Variants in ZNRF2 observed in about 807,000 individuals in gnomAD.
ZNRF2 encodes the protein E3 ubiquitin-protein ligase ZNRF2.
A neutral mutation model predicts 20.4 loss-of-function variants in ZNRF2; 16 were observed. The ratio of observed to expected loss-of-function variants is 0.79; its 90% CI spans 0.53 to 1.19. ZNRF2 has a LOEUF of 1.19. Ranked by LOEUF, ZNRF2 falls within the 50% of genes most tolerant of loss-of-function variation. ZNRF2 has a pLI of 0.00. For missense variants in ZNRF2, 363 were observed against 332.4 expected (o/e 1.09, Z -0.72); for synonymous variants, 178 against 144.9 (o/e 1.23, Z -1.64).
chr7:30,314,569 G>GTATCAGTAATAAAAGGT (rs571882678), intron 1 of ZNRF2, among the ~76,000 whole-genome samples: 152 of 151,972 alleles, frequency 1.0e-3, no homozygotes, highest in African/African-American at 3.4e-3. Flanking sequence ...TAATAAAAGG[G>GTATCAGTAATAAAAGGT]TATCAGTAAT....
At chr7:30,343,607 T>C (rs939754456) in intron 2 of ZNRF2, among the ~76,000 whole-genome samples, 1 of 152,156 alleles carries the variant, frequency 6.6e-6, no homozygotes, top group Non-Finnish European at 1.5e-5. Flanking sequence ...TCTCCTTTAA[T>C]GTTTATGCCT....
intron 2 of ZNRF2, among the ~76,000 whole-genome samples, chr7:30,355,155 G>A (rs553980062): frequency 6.6e-6 from 1 of 152,134 alleles, no homozygotes; most frequent in Admixed American, 6.5e-5. Context: ...ATGAAGAATT[G>A]CTGCATCCAG....
In ZNRF2 at chr7:30,285,768, C is replaced by T. The variant is rs1450526753; in HGVS notation, c.411C>T (p.Gly137=). 1.3e-6 allele frequency: 2 copies of T among 1,488,620 alleles called. No homozygotes were observed. The highest frequency in any genetic ancestry group is 1.3e-5 in the South Asian group (1 of 76,166). 92.2% of individuals were successfully genotyped at this position (1,488,620 alleles called of 1,614,324 possible). Residue 137 remains glycine, a synonymous_variant, in exon 1 of 5, where the codon GGC becomes GGT. Transcript: ENST00000323037. ...ACCGGCCGGTGGGCGGGAGCCCCGG[C>T]GGGCCGCGCCTGGTGATCGGCTCCT... ...GRDRPVGGSP[G]GPRLVIGSLP... is the part of the protein sequence containing the mutation.
At position 30,300,099 on chromosome 7, in the gene ZNRF2, C is replaced by CA. The variant is rs1439741636; in HGVS notation, c.469+14274dup. ...CCGGCCGTAAAACCTGCTTTTTCTC[C>CA]ATAACATATATTTAGAGGATTTTTT... On this transcript the variant is annotated intron_variant, in intron 1 of 4. Transcript: ENST00000323037. Among the ~76,000 whole-genome samples, 7 of 149,426 alleles carry CA rather than the reference C, an allele frequency of 4.7e-5. No homozygotes were observed. The East Asian group carries it at 1.0e-3, about 22-fold the overall frequency.
chr7:30,329,988 T>C (rs1229226494), intron 2 of ZNRF2, among the ~76,000 whole-genome samples: 1 of 152,224 alleles, frequency 6.6e-6, no homozygotes, highest in Non-Finnish European at 1.5e-5. Flanking sequence ...GTCTTTTTGA[T>C]AAAAGCTGTT....
At chr7:30,295,014 G>GGAGAGA (rs1161510140) in intron 1 of ZNRF2, among the ~76,000 whole-genome samples, 331 of 25,036 alleles carry the variant, frequency 0.013, 17 homozygotes, top group South Asian at 0.024. Flanking sequence ...AGGGAGGGAA[G>GGAGAGA]GAGAGAGAGA....
At chr7:30,352,656 T>C (rs545582362) in intron 2 of ZNRF2, among the ~76,000 whole-genome samples, 1 of 152,176 alleles carries the variant, frequency 6.6e-6, no homozygotes, top group Non-Finnish European at 1.5e-5. Flanking sequence ...ACTAGCCAAC[T>C]ATGGTAGTTA....
intron 3 of ZNRF2, 35 bp downstream of exon 3, chr7:30,355,868 T>G: frequency 6.5e-7 from 1 of 1,528,416 alleles, no homozygotes; most frequent in Non-Finnish European, 9.0e-7. Flanking sequence ...AGTAAAAGAT[T>G]GTTCTCACAG....
chr7:30,331,326 G>A (rs992907958), intron 2 of ZNRF2, among the ~76,000 whole-genome samples: 18 of 152,144 alleles, frequency 1.2e-4, no homozygotes, highest in Non-Finnish European at 2.1e-4. Context: ...ATAAACAGAT[G>A]AATAGGAAAT....
chr7:30,341,146 G>A (rs879233833), intron 2 of ZNRF2, among the ~76,000 whole-genome samples: 1 of 151,514 alleles, frequency 6.6e-6, no homozygotes, highest in Admixed American at 6.6e-5. Flanking sequence ...GTCTGGCTAG[G>A]GGTCTACCTA....
At chr7:30,303,068 C>T (rs1014463372) in intron 1 of ZNRF2, among the ~76,000 whole-genome samples, 1 of 151,856 alleles carries the variant, frequency 6.6e-6, no homozygotes, top group Non-Finnish European at 1.5e-5. Flanking sequence ...ATAGCTTGAC[C>T]CCAGGAGTTC....
At chr7:30,325,936 C>G (rs1266568184) in intron 2 of ZNRF2, among the ~76,000 whole-genome samples, 1 of 152,100 alleles carries the variant, frequency 6.6e-6, no homozygotes, top group African/African-American at 2.4e-5. Flanking sequence ...GCTCCACTAT[C>G]TTATATTCTA....
intron 2 of ZNRF2, among the ~76,000 whole-genome samples, chr7:30,342,506 C>T (rs76499342): frequency 0.057 from 8,699 of 152,162 alleles, 601 homozygotes; most frequent in African/African-American, 0.17. Context: ...TGACTGGATA[C>T]GAAATTCTGG....
rs989575237 is a variant in ZNRF2, at chr7:30,354,935, T to C, written c.566-793T>C. On this transcript the variant is annotated intron_variant, in intron 2 of 4. Coordinates refer to ENST00000323037, the MANE Select transcript of ZNRF2 (RefSeq NM_147128.4). ...AAAATTAAAATTTAGCATTAGAATA[T>C]AATTTAAATTTTCAGTATAAAACAT... Among the ~76,000 whole-genome samples, 3 of 152,214 alleles carry C rather than the reference T, an allele frequency of 2.0e-5. No homozygotes were observed. The East Asian group carries it at 5.8e-4, about 29-fold the overall frequency.
intron 3 of ZNRF2, 140 bp from the exon 4 acceptor site, chr7:30,362,237 C>T: frequency 2.0e-6 from 1 of 491,196 alleles, no homozygotes; most frequent in Non-Finnish European, 3.6e-6. Context: ...TTATCTGTTG[C>T]TTATGTATGC....
intron 1 of ZNRF2, among the ~76,000 whole-genome samples, chr7:30,316,288 C>CAAAAAAAAAAAAAAAAAAAAAA (rs60218988): frequency 1.8e-4 from 5 of 27,500 alleles, no homozygotes; most frequent in African/African-American, 4.6e-4. Flanking sequence ...AACTCCATCT[C>CAAAAAAAAAAAAAAAAAAAAAA]AAAAAAAAAA....
chr7:30,322,149 T>G (rs1583580852), intron 1 of ZNRF2, among the ~76,000 whole-genome samples: 4 of 152,298 alleles, frequency 2.6e-5, no homozygotes, highest in African/African-American at 9.6e-5. Context: ...CTCTTTTTGG[T>G]GGTTTTCAAG....
chr7:30,322,398 A>G (rs1264861326), intron 1 of ZNRF2, among the ~76,000 whole-genome samples: 1 of 152,166 alleles, frequency 6.6e-6, no homozygotes, highest in Non-Finnish European at 1.5e-5. Context: ...GTGAGAACAC[A>G]TGTGTTGGAA....
chr7:30,335,269 A>G (rs1799699275), intron 2 of ZNRF2, among the ~76,000 whole-genome samples: 1 of 152,096 alleles, frequency 6.6e-6, no homozygotes, highest in African/African-American at 2.4e-5. Flanking sequence ...CTTTTGTATC[A>G]TTCCAACATT....
Sources: allele counts gnomAD v4.1 joint callset (sites outside exome capture counted in the v4.1 genomes callset), GRCh38; gene constraint gnomAD v4.1.1; transcripts MANE v1.5; gene names NCBI Gene and HGNC (gene_info 2026-07-23, HGNC 2026-07-21).